Variants in CYP7B1 observed in about 807,000 individuals in gnomAD.
CYP7B1 encodes cytochrome P450 family 7 subfamily B member 1.
Under a neutral mutation model 42.7 loss-of-function variants are expected in CYP7B1, and 29 were observed. The observed-to-expected ratio is 0.68, with a 90% CI of 0.51 to 0.93. CYP7B1 has a LOEUF of 0.93. Ranked by LOEUF, CYP7B1 falls within the 40% of genes least tolerant of loss-of-function variation. The pLI, the probability that CYP7B1 is intolerant of heterozygous loss-of-function variation, is 0.00. For synonymous variants in CYP7B1, 235 were observed against 218.2 expected, an observed-to-expected ratio of 1.08 and a Z score of -0.68; for missense variants, 655 against 600.5, an observed-to-expected ratio of 1.09 and a Z score of -0.95.
rs1807686994 is a variant in CYP7B1, at chr8:64,748,911, A to T, written c.122+49555T>A. ...CTCCATCTTCATAGAGCTGTAGTCTACAGCTAGAGAAAGATAACTATGCAG... is the reference window on the plus strand; with the variant it reads ...CTCCATCTTCATAGAGCTGTAGTCTTCAGCTAGAGAAAGATAACTATGCAG... On this transcript the variant is annotated intron_variant, in intron 1 of 5. Transcript: ENST00000310193. Among the ~76,000 whole-genome samples the T allele has an allele frequency of 3.3e-5, 5 of 152,324 alleles. No individual in the cohort carries two copies. In the South Asian group the frequency reaches 1.0e-3, roughly 32 times the overall value.
intron 1 of CYP7B1, among the ~76,000 whole-genome samples, chr8:64,630,939 G>A (rs182467933): frequency 1.2e-4 from 18 of 152,252 alleles, no homozygotes; most frequent in African/African-American, 4.3e-4. Context: ...ACTGCATCAT[G>A]GTAAGCTGGG....
At position 64,771,047 on chromosome 8, in the gene CYP7B1, C is replaced by CTTTTTTTTTTTTTTTTTTTTTTTT. The variant is rs757503820; in HGVS notation, c.122+27395_122+27418dup. On this transcript the variant is annotated intron_variant, in intron 1 of 5. Transcript: ENST00000310193. ...AATCTCAAGAGTGGGATATCAGCAT[C>CTTTTTTTTTTTTTTTTTTTTTTTT]TTTTTTTTTTTTTTTTTTTTTTTTT... 2.1e-4 allele frequency among the ~76,000 whole-genome samples: 9 copies of CTTTTTTTTTTTTTTTTTTTTTTTT among 42,504 alleles called. 2 individuals are homozygous for CTTTTTTTTTTTTTTTTTTTTTTTT. The highest frequency in any genetic ancestry group is 5.0e-4 in the African/African-American group (6 of 12,022). 27.9% of individuals were successfully genotyped at this position (42,504 alleles called of 152,430 possible). A position where few individuals can be genotyped will look rare whatever the true frequency, so the allele number is the denominator to read the frequency against.
At chr8:64,632,677 A>G (rs1271093517) in intron 1 of CYP7B1, among the ~76,000 whole-genome samples, 1 of 152,172 alleles carries the variant, frequency 6.6e-6, no homozygotes, top group Non-Finnish European at 1.5e-5. Flanking sequence ...CAATAGAAAC[A>G]GAGGTGAACT....
Position 64,624,557 on chromosome 8 carries a change from A to C in CYP7B1, c.123-18T>G. On this transcript the variant is annotated intron_variant, in intron 1 of 5. Transcript: ENST00000310193. ...CGGGTCTCCTACAAGGAAAAAAAAA[A>C]AGATAAAAGAACAAAAGAAAAATCA... 6.2e-7 allele frequency: 1 copy of C among 1,610,988 alleles called. No homozygotes were observed. The highest frequency in any genetic ancestry group is 8.5e-7 in the Non-Finnish European group (1 of 1,179,290).
intron 2 of CYP7B1, among the ~76,000 whole-genome samples, chr8:64,619,625 T>C (rs1805497906): frequency 1.3e-5 from 2 of 152,330 alleles, no homozygotes; most frequent in Middle Eastern, 6.8e-3. Flanking sequence ...AGGAGCTAAC[T>C]GGCCTTACAA....
intron 1 of CYP7B1, among the ~76,000 whole-genome samples, chr8:64,751,890 A>G (rs572506669): frequency 6.6e-6 from 1 of 152,318 alleles, no homozygotes; most frequent in South Asian, 2.1e-4. Context: ...TCTCTCTAAT[A>G]GCATGTGAAA....
intron 1 of CYP7B1, among the ~76,000 whole-genome samples, chr8:64,732,121 G>T (rs1200368457): frequency 2.6e-5 from 4 of 152,184 alleles, no homozygotes; most frequent in South Asian, 4.1e-4. Context: ...TGAGAAGAGG[G>T]TTACTGTCCT....
chr8:64,690,589 A>G (rs1398729685), intron 1 of CYP7B1, among the ~76,000 whole-genome samples: 1 of 152,196 alleles, frequency 6.6e-6, no homozygotes, highest in East Asian at 1.9e-4. Flanking sequence ...AAACATCAAC[A>G]ACAAAAACTT....
intron 1 of CYP7B1, among the ~76,000 whole-genome samples, chr8:64,774,087 T>C (rs192244771): frequency 6.6e-6 from 1 of 152,278 alleles, no homozygotes; most frequent in Non-Finnish European, 1.5e-5. Flanking sequence ...CTCTCCCACC[T>C]TTTTCCCACA....
At chr8:64,753,678 A>G (rs1807764477) in intron 1 of CYP7B1, among the ~76,000 whole-genome samples, 1 of 152,238 alleles carries the variant, frequency 6.6e-6, no homozygotes, top group African/African-American at 2.4e-5. Flanking sequence ...ACACAAATAC[A>G]TTAAGCCAGT....
At chr8:64,608,307 T>C (rs534173257) in intron 4 of CYP7B1, among the ~76,000 whole-genome samples, 34 of 152,382 alleles carry the variant, frequency 2.2e-4, no homozygotes, top group African/African-American at 7.9e-4. Flanking sequence ...TTTGCAGATT[T>C]ACAGCACTAA....
chr8:64,793,407 G>T (rs1804653314), intron 1 of CYP7B1, among the ~76,000 whole-genome samples: 1 of 152,028 alleles, frequency 6.6e-6, no homozygotes. Flanking sequence ...GATTGAGCAA[G>T]TAAGGAAAGA....
chr8:64,597,917 T>C (rs1172667788), intron 5 of CYP7B1, among the ~76,000 whole-genome samples: 1 of 152,196 alleles, frequency 6.6e-6, no homozygotes, highest in East Asian at 1.9e-4. Context: ...TGCAAAAAAG[T>C]AGGTCAGATC....
intron 1 of CYP7B1, among the ~76,000 whole-genome samples, chr8:64,752,098 C>T (rs1264012590): frequency 1.3e-5 from 2 of 151,504 alleles, no homozygotes; most frequent in Non-Finnish European, 2.9e-5. Context: ...AATGCCAGGC[C>T]ACCTATAGAA....
At chr8:64,666,262 T>G (rs1806278490) in intron 1 of CYP7B1, among the ~76,000 whole-genome samples, 1 of 152,224 alleles carries the variant, frequency 6.6e-6, no homozygotes, top group South Asian at 2.1e-4. Flanking sequence ...ACTCAGCTCA[T>G]GCATTTAACA....
intron 3 of CYP7B1, 52 bp downstream of exon 3, chr8:64,615,639 G>T (rs1379131625): frequency 5.8e-6 from 9 of 1,542,742 alleles, no homozygotes; most frequent in Non-Finnish European, 8.1e-6. Flanking sequence ...TATTTCAGAG[G>T]TCTATTGTAA....
chr8:64,611,678 A>C (rs938365982), intron 4 of CYP7B1, among the ~76,000 whole-genome samples: 1 of 151,988 alleles, frequency 6.6e-6, no homozygotes, highest in African/African-American at 2.4e-5. Flanking sequence ...AACATCCCTC[A>C]CCTGGACCAT....
intron 1 of CYP7B1, among the ~76,000 whole-genome samples, chr8:64,626,176 T>C (rs1805607761): frequency 3.3e-5 from 5 of 152,144 alleles, no homozygotes; most frequent in Admixed American, 3.3e-4. Flanking sequence ...AAGGACAAGC[T>C]GTGTACCAGG....
At chr8:64,620,873 T>C (rs1423374766) in intron 2 of CYP7B1, among the ~76,000 whole-genome samples, 1 of 152,222 alleles carries the variant, frequency 6.6e-6, no homozygotes, top group Non-Finnish European at 1.5e-5. Context: ...TCTTGGTACC[T>C]AAGATTAAGA....
Sources: allele counts gnomAD v4.1 joint callset (sites outside exome capture counted in the v4.1 genomes callset), GRCh38; gene constraint gnomAD v4.1.1; transcripts MANE v1.5; gene names NCBI Gene and HGNC (gene_info 2026-07-23, HGNC 2026-07-21).